The following TAPT1 variants were observed in gnomAD, a reference collection of about 807,000 sequenced individuals.
TAPT1 encodes the protein transmembrane anterior posterior transformation protein 1 homolog.
TAPT1 carries 28 observed loss-of-function variants against 65.6 expected under a neutral mutation model. The observed-to-expected ratio is 0.43, with a 90% confidence interval of 0.32 to 0.59. TAPT1 has a LOEUF of 0.59. Ranked by LOEUF, TAPT1 falls within the 20% of genes least tolerant of loss-of-function variation. TAPT1 has a pLI of 0.09. For synonymous variants in TAPT1, 278 were observed against 245.2 expected, an observed-to-expected ratio of 1.13 and a Z score of -1.25; for missense variants, 563 against 679.9, an observed-to-expected ratio of 0.83 and a Z score of 1.91.
rs977485412 is a variant in TAPT1 at position 16,199,961 on chromosome 4, T to C, written c.449+2501A>G. Among the ~76,000 whole-genome samples the C allele has an allele frequency of 1.3e-4, 20 of 152,154 alleles. 1 individual carries two copies. Among genetic ancestry groups the C allele is most frequent in the Non-Finnish European group, 1.9e-4 (13 of 68,026 alleles). ...TAACAGGGGCTACACAGAAATGAAC[T>C]TGAGTGCAACACAGTTTTAGATGCC... On this transcript the variant is annotated intron_variant, in intron 3 of 13. Transcript: ENST00000405303.
intron 12 of TAPT1, 198 bp from the exon 13 acceptor site, chr4:16,166,991 CTTTTTTT>C (rs5856341): frequency 5.6e-5 from 9 of 159,558 alleles, no homozygotes; most frequent in African/African-American, 7.8e-5. Context: ...CCTTAGTTCT[CTTTTTTT>C]TTTTTTTTTT....
chr4:16,209,230 G>C (rs1001503966), intron 2 of TAPT1, among the ~76,000 whole-genome samples: 9 of 151,858 alleles, frequency 5.9e-5, no homozygotes, highest in Admixed American at 2.0e-4. Flanking sequence ...CCTCGTCCCA[G>C]GTCTGTTGTC....
chr4:16,206,728 A>C (rs1750369374), intron 2 of TAPT1, among the ~76,000 whole-genome samples: 1 of 152,172 alleles, frequency 6.6e-6, no homozygotes, highest in South Asian at 2.1e-4. Flanking sequence ...GGAAAGACAG[A>C]GAAGAGAAAT....
chr4:16,203,978 TAG>T (rs2149705293), intron 2 of TAPT1, among the ~76,000 whole-genome samples: 1 of 152,310 alleles, frequency 6.6e-6, no homozygotes, highest in South Asian at 2.1e-4. Flanking sequence ...TAGATTAGCA[TAG>T]AGTCACGTGT....
chr4:16,170,777 C>A, intron 11 of TAPT1, 48 bp from the exon 12 acceptor site: 2 of 1,414,552 alleles, frequency 1.4e-6, no homozygotes, highest in Non-Finnish European at 2.0e-6. Flanking sequence ...ACAGAACACA[C>A]AACCACAGAG....
At chr4:16,186,741 C>T in intron 6 of TAPT1, 40 bp downstream of exon 6, 2 of 1,479,464 alleles carry the variant, frequency 1.4e-6, no homozygotes, top group Non-Finnish European at 1.9e-6. Flanking sequence ...GCTGAAATGC[C>T]TGTATAACTT....
intron 4 of TAPT1, chr4:16,190,736 A>C (rs1261903362): frequency 6.5e-6 from 1 of 154,828 alleles, no homozygotes; most frequent in Non-Finnish European, 1.5e-5. Flanking sequence ...ATTTTTTTGT[A>C]AAGTGAATGT....
intron 7 of TAPT1, among the ~76,000 whole-genome samples, 167 bp from the exon 8 acceptor site, chr4:16,179,824 G>C (rs1002271009): frequency 2.7e-4 from 37 of 139,008 alleles, no homozygotes; most frequent in African/African-American, 1.1e-3. Flanking sequence ...GTGTGTGTGT[G>C]TGTATATATA....
chr4:16,202,303 A>C (rs1217128194), intron 3 of TAPT1, among the ~76,000 whole-genome samples, 159 bp downstream of exon 3: 2 of 152,172 alleles, frequency 1.3e-5, no homozygotes, highest in Non-Finnish European at 2.9e-5. Context: ...ATATTATATA[A>C]ACATATTATA....
chr4:16,226,231 C>T (rs1186691718), intron 1 of TAPT1, 28 bp downstream of exon 1: 11 of 1,108,368 alleles, frequency 9.9e-6, no homozygotes, highest in Middle Eastern at 3.9e-4. Context: ...CCTCGGAGCC[C>T]GCCACGGCCT....
At chr4:16,218,503 T>C (rs772231186) in intron 1 of TAPT1, among the ~76,000 whole-genome samples, 1 of 152,194 alleles carries the variant, frequency 6.6e-6, no homozygotes, top group African/African-American at 2.4e-5. Flanking sequence ...TGTGTTATGA[T>C]CCACAGAAGA....
At chr4:16,209,306 G>A (rs1050066485) in intron 2 of TAPT1, among the ~76,000 whole-genome samples, 1 of 152,016 alleles carries the variant, frequency 6.6e-6, no homozygotes, top group African/African-American at 2.4e-5. Flanking sequence ...CACTTGTCAC[G>A]TTGTATCCTG....
chr4:16,219,835 T>G (rs775133649), intron 1 of TAPT1, among the ~76,000 whole-genome samples: 1 of 152,194 alleles, frequency 6.6e-6, no homozygotes, highest in Non-Finnish European at 1.5e-5. Flanking sequence ...CCAAAGTCAT[T>G]GAAAAGCTAA....
At chr4:16,189,501 T>C (rs1453061817) in intron 4 of TAPT1, among the ~76,000 whole-genome samples, 1 of 151,500 alleles carries the variant, frequency 6.6e-6, no homozygotes, top group Non-Finnish European at 1.5e-5. Context: ...GGGCCTGATA[T>C]TGTGCTAAAC....
chr4:16,170,291 G>A (rs1324342291), intron 12 of TAPT1, among the ~76,000 whole-genome samples: 17 of 152,198 alleles, frequency 1.1e-4, no homozygotes, highest in Non-Finnish European at 1.5e-4. Flanking sequence ...ACAGTGTGCT[G>A]AACAATTCAA....
chr4:16,220,204 T>C (rs1175030206), intron 1 of TAPT1, among the ~76,000 whole-genome samples: 1 of 152,246 alleles, frequency 6.6e-6, no homozygotes, highest in East Asian at 1.9e-4. Flanking sequence ...GACTGGTTAA[T>C]TATTTAGCAA....
Position 16,226,420 on chromosome 4 carries a change from C to A in TAPT1, c.38G>T (p.Gly13Val). The stretch of plus-strand genomic sequence containing the variant: ...CGGGCCGTCCACGCCGCCACCGCCG[C>A]CTTCTCCCGGAGCGGCCGCGTCGCC... ...GVGDAAAPGE[G>V]GGGGVDGPQR... Residue 13 changes from glycine to valine, a missense_variant, in exon 1 of 14, where the codon GGC (glycine) becomes GTC (valine). Gly to Val is a moderately radical substitution (Grantham distance 109). Around this residue, in one of 5 missense-constraint regions of TAPT1, gnomAD observed 103 missense variants for 89.4 expected, o/e 1.15. Coordinates refer to ENST00000405303, the MANE Select transcript of TAPT1 (RefSeq NM_153365.3). The A allele has an allele frequency of 9.2e-7, 1 of 1,086,328 alleles. No homozygotes were observed. 67.3% of individuals were successfully genotyped at this position (1,086,328 alleles called of 1,614,324 possible). A position where few individuals can be genotyped will look rare whatever the true frequency, so the allele number is the denominator to read the frequency against.
chr4:16,174,365 C>T, intron 10 of TAPT1, 93 bp from the exon 11 acceptor site: 3 of 1,130,020 alleles, frequency 2.7e-6, no homozygotes, highest in Non-Finnish European at 3.8e-6. Context: ...ATGTTCTAAA[C>T]AGGTGAGGCT....
intron 12 of TAPT1, among the ~76,000 whole-genome samples, chr4:16,169,029 G>C (rs1272875245): frequency 2.0e-5 from 3 of 152,214 alleles, no homozygotes; most frequent in African/African-American, 7.2e-5. Flanking sequence ...TCCTGGGTTT[G>C]GTGTAGTTAA....
Sources: allele counts gnomAD v4.1 joint callset (sites outside exome capture counted in the v4.1 genomes callset), GRCh38; gene constraint gnomAD v4.1.1; regional missense constraint gnomAD v4.1.1; transcripts MANE v1.5; gene names NCBI Gene and HGNC (gene_info 2026-07-23, HGNC 2026-07-21).